The following RGPD2 variants were observed in gnomAD, a reference collection of about 807,000 sequenced individuals.
RGPD2 encodes RANBP2 like and GRIP domain containing 2.
Under a neutral mutation model 36.0 loss-of-function variants are expected in RGPD2, and 2 were observed. The ratio of observed to expected loss-of-function variants is 0.06; its 90% CI spans 0.02 to 0.17. The LOEUF is 0.17. Among genes scored for constraint, RGPD2 ranks in the 10% least tolerant of loss-of-function variants. The pLI, the probability that RGPD2 is intolerant of heterozygous loss-of-function variation, is 1.00. For missense variants in RGPD2, 40 were observed against 464.3 expected, an observed-to-expected ratio of 0.09 and a Z score of 8.40; for synonymous variants, 19 against 163.8, an observed-to-expected ratio of 0.12 and a Z score of 6.75.
the RGPD2 span, among the ~76,000 whole-genome samples, chr2:87,864,200 A>G: frequency 6.6e-6 from 1 of 152,208 alleles, no homozygotes; most frequent in Admixed American, 6.5e-5. Context: ...CCCCTGCTCA[A>G]TGTAAATGGG....
the RGPD2 span, among the ~76,000 whole-genome samples, chr2:87,852,677 T>G: frequency 6.6e-6 from 1 of 152,272 alleles, no homozygotes; most frequent in East Asian, 1.9e-4. Flanking sequence ...CATCTCAAGG[T>G]TGTCACATTT....
the RGPD2 span, among the ~76,000 whole-genome samples, chr2:87,840,593 T>C: frequency 6.6e-6 from 1 of 152,080 alleles, no homozygotes; most frequent in Non-Finnish European, 1.5e-5. Flanking sequence ...ATGATGTCCT[T>C]TATATACAGT....
the RGPD2 span, among the ~76,000 whole-genome samples, chr2:87,978,788 G>T: frequency 7.6e-6 from 1 of 131,826 alleles, no homozygotes; most frequent in African/African-American, 2.8e-5. Flanking sequence ...GCATGATGAA[G>T]CATACCAGTA....
chr2:87,918,508 G>C, the RGPD2 span, among the ~76,000 whole-genome samples: 3,697 of 150,356 alleles, frequency 0.025, 147 homozygotes, highest in African/African-American at 0.085. Context: ...GGACATATTT[G>C]GTCTGATAGA....
At chr2:87,814,915 GA>G (rs1289542381) in intron 4 of RGPD2, among the ~76,000 whole-genome samples, 8 of 36,928 alleles carry the variant, frequency 2.2e-4, no homozygotes, top group Admixed American at 3.0e-4. Flanking sequence ...AACGAAAAAA[GA>G]AAAAAAAAAG....
At chr2:87,967,300 T>G in the RGPD2 span, among the ~76,000 whole-genome samples, 2 of 148,460 alleles carry the variant, frequency 1.3e-5, no homozygotes, top group African/African-American at 2.6e-5. Flanking sequence ...CCTAGCTACG[T>G]GGGAGGCTGA....
chr2:87,798,735 G>A (rs1173071584), intron 8 of RGPD2, among the ~76,000 whole-genome samples: 2 of 137,232 alleles, frequency 1.5e-5, no homozygotes, highest in African/African-American at 2.6e-5. Context: ...GGCCCTGGTG[G>A]CGGGCGCCTG....
chr2:87,921,925 A>G, the RGPD2 span, among the ~76,000 whole-genome samples: 2 of 151,766 alleles, frequency 1.3e-5, no homozygotes, highest in Admixed American at 6.6e-5. Flanking sequence ...TTCTAGGCAT[A>G]GCAAAAGGAA....
chr2:87,834,450 T>C, the RGPD2 span, among the ~76,000 whole-genome samples: 1 of 152,070 alleles, frequency 6.6e-6, no homozygotes, highest in Non-Finnish European at 1.5e-5. Context: ...ATGTAGAATA[T>C]AGTAAAAAAT....
chr2:87,973,271 C>G, the RGPD2 span, among the ~76,000 whole-genome samples: 1 of 148,760 alleles, frequency 6.7e-6, no homozygotes, highest in South Asian at 2.2e-4. Flanking sequence ...CCCACACCCC[C>G]CTCCTGCCGC....
At chr2:87,824,774 CAGGCCGAGGCCG>C (rs1415835872) in intron 1 of RGPD2, among the ~76,000 whole-genome samples, 624 of 56,896 alleles carry the variant, frequency 0.011, 19 homozygotes, top group Non-Finnish European at 0.016. Context: ...GCCGCCCGGC[CAGGCCGAGGCCG>C]AGGCCGAGGC....
At chr2:87,837,639 CTAACA>C in the RGPD2 span, among the ~76,000 whole-genome samples, 1 of 33,678 alleles carries the variant, frequency 3.0e-5, no homozygotes, top group Non-Finnish European at 5.9e-5. Flanking sequence ...AATTAACAAC[CTAACA>C]TGACACCTAG....
the RGPD2 span, among the ~76,000 whole-genome samples, chr2:87,985,009 G>A: frequency 6.7e-6 from 1 of 149,202 alleles, no homozygotes; most frequent in Non-Finnish European, 1.5e-5. Context: ...CCTGGAAAAG[G>A]GGTAATTACA....
the RGPD2 span, among the ~76,000 whole-genome samples, chr2:87,924,455 C>A: frequency 6.6e-6 from 1 of 151,692 alleles, no homozygotes; most frequent in East Asian, 1.9e-4. Flanking sequence ...GTTTTACAGC[C>A]CTAGAGACTT....
chr2:87,916,162 G>C, the RGPD2 span, among the ~76,000 whole-genome samples: 4 of 151,764 alleles, frequency 2.6e-5, no homozygotes, highest in Non-Finnish European at 5.9e-5. Flanking sequence ...CTATCATCGA[G>C]ACAAGCTTTT....
At chr2:87,956,843 C>T in the RGPD2 span, among the ~76,000 whole-genome samples, 4 of 146,868 alleles carry the variant, frequency 2.7e-5, no homozygotes, top group South Asian at 8.9e-4. Flanking sequence ...AAGAATATTG[C>T]GTCACTGATT....
the RGPD2 span, among the ~76,000 whole-genome samples, chr2:87,834,696 G>C: frequency 6.6e-6 from 1 of 151,998 alleles, no homozygotes; most frequent in African/African-American, 2.4e-5. Context: ...AGCCATAAAT[G>C]AGTGGGGAAA....
At chr2:87,933,784 A>C in the RGPD2 span, among the ~76,000 whole-genome samples, 1 of 146,116 alleles carries the variant, frequency 6.8e-6, no homozygotes, top group East Asian at 2.0e-4. Flanking sequence ...GGTCAGTTAC[A>C]TTTTTCTCTA....
At chr2:87,975,145 TATGG>T in the RGPD2 span, among the ~76,000 whole-genome samples, 1 of 152,018 alleles carries the variant, frequency 6.6e-6, no homozygotes, top group African/African-American at 2.4e-5. Context: ...ACTCCCTTTA[TATGG>T]ATGCTCTTTC....
Sources: gnomAD v4.1 joint callset for allele counts (sites outside exome capture counted in the v4.1 genomes callset) on GRCh38, gnomAD v4.1.1 for gene constraint, MANE v1.5 for transcripts, NCBI Gene and HGNC (gene_info 2026-07-23, HGNC 2026-07-21) for gene names.